Variants in EYS observed in about 807,000 individuals in gnomAD.
The protein encoded by EYS is EGF-like photoreceptor maintenance factor.
EYS carries 250 observed loss-of-function variants against 282.1 expected under a neutral mutation model. The ratio of observed to expected loss-of-function variants is 0.89; its 90% CI spans 0.80 to 0.98. EYS has a LOEUF of 0.98. Among genes scored for constraint, EYS ranks in the 50% least tolerant of loss-of-function variants. The pLI is 0.00. For synonymous variants in EYS, 1,355 were observed against 1,282.9 expected (o/e 1.06, Z -1.20); for missense variants, 4,016 against 3,709.0 (o/e 1.08, Z -2.15).
chr6:63,826,949 G>GT (rs946622365), intron 36 of EYS, among the ~76,000 whole-genome samples: 28 of 149,336 alleles, frequency 1.9e-4, no homozygotes, highest in African/African-American at 6.6e-4. Context: ...AACATTGAAT[G>GT]TAAATGACCT....
chr6:65,153,106 A>G (rs1284588664), intron 12 of EYS, among the ~76,000 whole-genome samples: 1 of 151,876 alleles, frequency 6.6e-6, no homozygotes, highest in Non-Finnish European at 1.5e-5. Flanking sequence ...GCTACATAAG[A>G]TTGTAACATC....
At chr6:65,294,675 A>G (rs768904151) in intron 12 of EYS, among the ~76,000 whole-genome samples, 1 of 151,932 alleles carries the variant, frequency 6.6e-6, no homozygotes, top group African/African-American at 2.4e-5. Context: ...CAAATTACAT[A>G]TTCTGTTAGT....
intron 31 of EYS, among the ~76,000 whole-genome samples, chr6:64,192,540 A>G (rs1765148474): frequency 6.6e-6 from 1 of 152,122 alleles, no homozygotes; most frequent in Admixed American, 6.6e-5. Flanking sequence ...ATCTACAACT[A>G]TCTGATCTTT....
chr6:63,932,752 A>G (rs567465426), intron 35 of EYS, among the ~76,000 whole-genome samples: 1 of 152,326 alleles, frequency 6.6e-6, no homozygotes, highest in Admixed American at 6.5e-5. Flanking sequence ...CCACACACCA[A>G]CCAAGCAATT....
At chr6:64,392,593 C>T (rs941584414) in intron 28 of EYS, among the ~76,000 whole-genome samples, 5 of 151,628 alleles carry the variant, frequency 3.3e-5, no homozygotes, top group Non-Finnish European at 5.9e-5. Flanking sequence ...AACAAAGACA[C>T]AACATACCAG....
chr6:64,336,163 T>C, intron 29 of EYS, among the ~76,000 whole-genome samples: 1 of 152,090 alleles, frequency 6.6e-6, no homozygotes, highest in East Asian at 1.9e-4. Flanking sequence ...GTAAATGGCC[T>C]AAATGTTCCA....
intron 26 of EYS, among the ~76,000 whole-genome samples, chr6:64,565,397 G>T (rs1414379661): frequency 2.0e-5 from 3 of 152,002 alleles, no homozygotes; most frequent in Non-Finnish European, 4.4e-5. Context: ...ATTTATAGAT[G>T]AATGAAGAAA....
At chr6:64,875,781 TTCTA>T (rs1373812689) in intron 19 of EYS, among the ~76,000 whole-genome samples, 2 of 152,128 alleles carry the variant, frequency 1.3e-5, no homozygotes, top group Non-Finnish European at 2.9e-5. Flanking sequence ...TATTTTAATG[TTCTA>T]TCTATTATAT....
Position 64,864,385 on chromosome 6 carries a change from C to CTTTTTTTTTTTTTTTTT in EYS, c.2992+22295_2992+22311dup, listed in dbSNP as rs769240399. On this transcript the variant is annotated intron_variant, in intron 19 of 42. Coordinates refer to ENST00000503581, the MANE Select transcript of EYS (RefSeq NM_001142800.2). ...GAGAAATACAGAGGTGCTATACCTT[C>CTTTTTTTTTTTTTTTTT]TTTTTTTTTTTTTTTTTTTTTGACA... Among the ~76,000 whole-genome samples, 137 of 57,192 alleles carry CTTTTTTTTTTTTTTTTT rather than the reference C, an allele frequency of 2.4e-3. 25 individuals are homozygous for CTTTTTTTTTTTTTTTTT. Among genetic ancestry groups the CTTTTTTTTTTTTTTTTT allele is most frequent in the African/African-American group, 3.9e-3 (66 of 17,118 alleles). The allele number at this position is 57,192 out of a possible 152,430, so 37.5% of individuals were successfully genotyped here.
At chr6:64,743,423 A>G (rs1772441524) in intron 22 of EYS, among the ~76,000 whole-genome samples, 1 of 152,148 alleles carries the variant, frequency 6.6e-6, no homozygotes, top group Non-Finnish European at 1.5e-5. Context: ...TTCCATATAA[A>G]TTTTATTGGT....
At chr6:65,049,104 C>T (rs186259391) in intron 13 of EYS, among the ~76,000 whole-genome samples, 25 of 151,880 alleles carry the variant, frequency 1.6e-4, no homozygotes, top group Non-Finnish European at 3.2e-4. Context: ...CTCAAATACA[C>T]AAAAGAAAAT....
At chr6:63,770,322 T>C (rs1361473056) in intron 40 of EYS, among the ~76,000 whole-genome samples, 1 of 152,036 alleles carries the variant, frequency 6.6e-6, no homozygotes, top group Admixed American at 6.6e-5. Flanking sequence ...ACAAGAGAGA[T>C]TCTTATGTAT....
rs145088104 is a variant in EYS at position 63,992,957 on chromosome 6, G to A, written c.6834+6118C>T. ...TTTCCCATGCTGTTCTTGTGAAAGC[G>A]GCAGTTCGCTTGAGATCTGATGGTT... is the stretch of plus-strand genomic sequence containing the variant. On this transcript the variant is annotated intron_variant, in intron 34 of 42. Transcript: ENST00000503581. Among the ~76,000 whole-genome samples the A allele has an allele frequency of 9.8e-3, 1,494 of 151,756 alleles. 31 individuals carry two copies. Among genetic ancestry groups the A allele is most frequent in the African/African-American group, 0.034 (1,423 of 41,410 alleles).
chr6:64,099,070 A>G (rs1262438013), intron 31 of EYS, among the ~76,000 whole-genome samples: 9 of 152,196 alleles, frequency 5.9e-5, no homozygotes, highest in South Asian at 2.1e-4. Flanking sequence ...TAATGCCTCA[A>G]TCCTTCTAAT....
chr6:64,994,433 C>A (rs1771179062), intron 14 of EYS, among the ~76,000 whole-genome samples: 2 of 152,062 alleles, frequency 1.3e-5, no homozygotes, highest in South Asian at 4.1e-4. Context: ...AAAGAAGATG[C>A]AAGCCACATG....
chr6:64,831,086 C>T (rs894488372), intron 19 of EYS, among the ~76,000 whole-genome samples: 18 of 152,022 alleles, frequency 1.2e-4, no homozygotes, highest in African/African-American at 3.9e-4. Context: ...TTTCCCAGTC[C>T]TACTTCTCTT....
intron 12 of EYS, among the ~76,000 whole-genome samples, chr6:65,163,887 G>A (rs1446041766): frequency 1.3e-5 from 2 of 151,166 alleles, no homozygotes; most frequent in Admixed American, 1.3e-4. Context: ...AATAGTTGTG[G>A]TAGATACCAG....
At chr6:65,448,378 T>C (rs1416357291) in intron 5 of EYS, among the ~76,000 whole-genome samples, 3 of 152,100 alleles carry the variant, frequency 2.0e-5, no homozygotes, top group African/African-American at 7.2e-5. Context: ...TTCCTTAATA[T>C]GATTAGCCCA....
chr6:64,994,770 T>G (rs1316739596), intron 14 of EYS, among the ~76,000 whole-genome samples: 2 of 152,182 alleles, frequency 1.3e-5, no homozygotes, highest in African/African-American at 4.8e-5. Context: ...ACTTAGTATC[T>G]TTGTACTATT....
Sources: allele counts gnomAD v4.1 joint callset (sites outside exome capture counted in the v4.1 genomes callset), GRCh38; gene constraint gnomAD v4.1.1; transcripts MANE v1.5; gene names NCBI Gene and HGNC (gene_info 2026-07-23, HGNC 2026-07-21).